The following MAP2K4 variants were observed in gnomAD, a reference collection of about 807,000 sequenced individuals.
MAP2K4 encodes mitogen-activated protein kinase kinase 4.
A neutral mutation model predicts 48.5 loss-of-function variants in MAP2K4; 4 were observed. The ratio of observed to expected loss-of-function variants is 0.08; its 90% confidence interval spans 0.04 to 0.19. The LOEUF is 0.19. Ranked by LOEUF, MAP2K4 falls within the 10% of genes least tolerant of loss-of-function variation. MAP2K4 has a pLI of 1.00. For missense variants in MAP2K4, 258 were observed against 493.3 expected (o/e 0.52, Z 4.52); for synonymous variants, 166 against 173.1 (o/e 0.96, Z 0.32).
In MAP2K4 at chr17:12,129,202, C is replaced by G. The variant is rs1972950977; in HGVS notation, c.955C>G (p.Gln319Glu). ...GAATAGTGTATTTGATCAACTAACA[C>G]AAGTCGTGAAAGGAGATCCTCCGCA... Reference protein sequence around the residue: ...KWNSVFDQLTQVVKGDPPQLS... With the variant: ...KWNSVFDQLTEVVKGDPPQLS... Residue 319 changes from glutamine (Q) to glutamate (E), a missense_variant, in exon 9 of 11, where the codon CAA (glutamine) becomes GAA (glutamate). Gln to Glu is a conservative substitution (Grantham distance 29). This residue lies in a region of MAP2K4 where 132 missense variants were observed against 352.8 expected (regional missense o/e 0.37). Transcript: ENST00000353533. 1.2e-6 allele frequency: 2 copies of G among 1,614,056 alleles called. No individual in the cohort carries two copies. The highest frequency in any genetic ancestry group is 1.7e-5 in the Admixed American group (1 of 60,006).
intron 2 of MAP2K4, among the ~76,000 whole-genome samples, chr17:12,062,497 G>T (rs1220732538): frequency 6.6e-6 from 1 of 152,000 alleles, no homozygotes; most frequent in Non-Finnish European, 1.5e-5. Context: ...ACCATCCCTG[G>T]CTCATTTTTA....
At chr17:12,051,700 C>T (rs895909690) in intron 1 of MAP2K4, among the ~76,000 whole-genome samples, 1 of 152,066 alleles carries the variant, frequency 6.6e-6, no homozygotes, top group Non-Finnish European at 1.5e-5. Flanking sequence ...CTCCTTTCTC[C>T]CTGTGAAAGT....
chr17:12,053,141 A>G (rs986101168), intron 1 of MAP2K4, among the ~76,000 whole-genome samples: 9 of 152,142 alleles, frequency 5.9e-5, no homozygotes, highest in Non-Finnish European at 1.2e-4. Context: ...TTTTCTAAAG[A>G]AAAATTCTCA....
At chr17:12,099,090 G>A (rs996888726) in intron 4 of MAP2K4, among the ~76,000 whole-genome samples, 1 of 151,488 alleles carries the variant, frequency 6.6e-6, no homozygotes, top group Non-Finnish European at 1.5e-5. Flanking sequence ...CTCCAGTTCC[G>A]TATTCTGTCC....
At chr17:12,065,149 G>A (rs868665499) in intron 2 of MAP2K4, among the ~76,000 whole-genome samples, 90 of 151,854 alleles carry the variant, frequency 5.9e-4, no homozygotes, top group African/African-American at 2.1e-3. Context: ...GTCTGCATTT[G>A]TCAAAACTCA....
rs532989739 is a variant in MAP2K4, at chr17:12,035,377, C to T, written c.115+14376C>T. Among the ~76,000 whole-genome samples, 332 of 152,192 alleles carry T rather than the reference C, an allele frequency of 2.2e-3. 1 individual carries two copies. Among genetic ancestry groups the T allele is most frequent in the African/African-American group, 7.5e-3 (312 of 41,548 alleles). Reference sequence around the variant, plus strand: ...TACTAAAAATACAAAATTAGCTGGGCGTGGTGGCACACGCCTGTAATCCTA... The same window carrying T: ...TACTAAAAATACAAAATTAGCTGGGTGTGGTGGCACACGCCTGTAATCCTA... On this transcript the variant is annotated intron_variant, in intron 1 of 10. Transcript: ENST00000353533.
chr17:12,089,006 G>T (rs1289527487), intron 3 of MAP2K4, among the ~76,000 whole-genome samples: 1 of 151,554 alleles, frequency 6.6e-6, no homozygotes, highest in Non-Finnish European at 1.5e-5. Context: ...CCGCCTCCCG[G>T]GTTCACGCCA....
Position 12,125,473 on chromosome 17 carries a change from A to G in MAP2K4, c.891+102A>G, listed in dbSNP as rs542416402. On this transcript the variant is annotated intron_variant, in intron 8 of 10. Transcript: ENST00000353533. ...ACTTCCCCGTTCGTTAAGAACTATA[A>G]TCACAGACACTATGGTTTTAAGTTG... 464 of 886,582 alleles carry G rather than the reference A, an allele frequency of 5.2e-4. 1 individual carries two copies. The African/African-American group carries it at 7.0e-3, about 13-fold the overall frequency. 54.9% of individuals were successfully genotyped at this position (886,582 alleles called of 1,614,324 possible).
intron 10 of MAP2K4, among the ~76,000 whole-genome samples, chr17:12,140,851 C>T (rs543221783): frequency 6.6e-6 from 1 of 152,298 alleles, no homozygotes; most frequent in Non-Finnish European, 1.5e-5. Context: ...TGAGTGACAA[C>T]TTGGCTGTCT....
At chr17:12,105,937 C>A (rs1008390928) in intron 4 of MAP2K4, among the ~76,000 whole-genome samples, 1 of 152,034 alleles carries the variant, frequency 6.6e-6, no homozygotes, top group African/African-American at 2.4e-5. Flanking sequence ...GTTTTTAGCA[C>A]CTGCCAGGCA....
chr17:12,048,385 A>G (rs1199162054), intron 1 of MAP2K4, among the ~76,000 whole-genome samples: 1 of 152,178 alleles, frequency 6.6e-6, no homozygotes, highest in African/African-American at 2.4e-5. Context: ...TGCTGTTGGG[A>G]TATTTACTTG....
chr17:12,060,543 AC>A (rs1195747664), intron 2 of MAP2K4, among the ~76,000 whole-genome samples: 23 of 152,224 alleles, frequency 1.5e-4, no homozygotes, highest in Non-Finnish European at 2.1e-4. Flanking sequence ...AAGTGTGAAT[AC>A]CTCTAATCTA....
At chr17:12,130,721 T>A (rs1047458959) in intron 9 of MAP2K4, among the ~76,000 whole-genome samples, 1 of 152,222 alleles carries the variant, frequency 6.6e-6, no homozygotes, top group South Asian at 2.1e-4. Flanking sequence ...AGTGTACTTA[T>A]GTTCATAATA....
intron 7 of MAP2K4, among the ~76,000 whole-genome samples, chr17:12,118,452 C>G (rs918724188): frequency 1.3e-5 from 2 of 152,122 alleles, no homozygotes; most frequent in Admixed American, 6.6e-5. Flanking sequence ...GCCTGGATCA[C>G]TCGGGATACC....
intron 2 of MAP2K4, among the ~76,000 whole-genome samples, chr17:12,065,385 G>A (rs1970584262): frequency 6.7e-6 from 1 of 149,290 alleles, no homozygotes; most frequent in Non-Finnish European, 1.5e-5. Flanking sequence ...TGCAACCTCC[G>A]CCTACTGGGT....
intron 2 of MAP2K4, among the ~76,000 whole-genome samples, chr17:12,063,855 C>A (rs28921676): frequency 0.17 from 25,454 of 151,144 alleles, 2,520 homozygotes; most frequent in South Asian, 0.3. Flanking sequence ...GGCTGTAACC[C>A]CAGCTACTTG....
chr17:12,029,088 G>A (rs1019619405), intron 1 of MAP2K4, among the ~76,000 whole-genome samples: 1 of 151,982 alleles, frequency 6.6e-6, no homozygotes, highest in Non-Finnish European at 1.5e-5. Context: ...CTAAACAGCC[G>A]CTTACCTCAC....
Position 12,143,000 on chromosome 17 carries a change from A to C in MAP2K4, c.*1740A>C, listed in dbSNP as rs1973420763. 4.3e-6 allele frequency: 1 copy of C among 232,904 alleles called. No individual in the cohort carries two copies. Among genetic ancestry groups the C allele is most frequent in the African/African-American group, 2.2e-5 (1 of 45,344 alleles). The allele number at this position is 232,904 out of a possible 1,614,324, so 14.4% of individuals were successfully genotyped here. On this transcript the variant is annotated 3_prime_UTR_variant, in exon 11 of 11. Coordinates refer to ENST00000353533, the MANE Select transcript of MAP2K4 (RefSeq NM_003010.4). ...CAATAAAGGGAGAATGGTGCTGTTT[A>C]AAGTCACATCCCTGTAAATTGCAGA...
chr17:12,123,457 GTCCATTTTATTGA>G (rs1398157503), intron 7 of MAP2K4, among the ~76,000 whole-genome samples: 1 of 152,080 alleles, frequency 6.6e-6, no homozygotes, highest in Non-Finnish European at 1.5e-5. Flanking sequence ...CCAAAGGTGT[GTCCATTTTATTGA>G]TCTTTTCAAA....
Sources: allele counts gnomAD v4.1 joint callset (sites outside exome capture counted in the v4.1 genomes callset), GRCh38; gene constraint gnomAD v4.1.1; regional missense constraint gnomAD v4.1.1; transcripts MANE v1.5; gene names NCBI Gene and HGNC (gene_info 2026-07-23, HGNC 2026-07-21).